The following UBE3C variants were observed in gnomAD, a reference collection of about 807,000 sequenced individuals.
UBE3C encodes the protein ubiquitin-protein ligase E3C.
Under a neutral mutation model 129.4 loss-of-function variants are expected in UBE3C, and 42 were observed. That is an observed-to-expected ratio of 0.32 (90% confidence interval 0.25 to 0.42). UBE3C has a LOEUF of 0.42. UBE3C is among the 10% of genes least tolerant of loss of function. UBE3C has a pLI of 1.00. For missense variants in UBE3C, 1,049 were observed against 1,319.1 expected (o/e 0.80, Z 3.17); for synonymous variants, 510 against 492.4 (o/e 1.04, Z -0.47).
chr7:157,155,462 C>G (rs375797018), intron 1 of UBE3C, among the ~76,000 whole-genome samples: 1 of 152,072 alleles, frequency 6.6e-6, no homozygotes, highest in African/African-American at 2.4e-5. Flanking sequence ...TACAAACATG[C>G]TAACAATCGT....
intron 4 of UBE3C, among the ~76,000 whole-genome samples, chr7:157,174,474 G>GTC (rs540373125): frequency 2.7e-4 from 41 of 151,522 alleles, no homozygotes; most frequent in South Asian, 1.9e-3. Context: ...TGGAGACAGG[G>GTC]TCTCTCTCTC....
chr7:157,164,356 T>C, intron 2 of UBE3C: 2 of 456,618 alleles, frequency 4.4e-6, no homozygotes, highest in Admixed American at 4.7e-5. Context: ...AGGGTCTTGC[T>C]TTGCTGCCGA....
At chr7:157,237,427 C>T (rs560948100) in intron 18 of UBE3C, among the ~76,000 whole-genome samples, 47 of 152,116 alleles carry the variant, frequency 3.1e-4, no homozygotes, top group African/African-American at 9.6e-4. Context: ...GGCGACAGAG[C>T]GAGACTCCGT....
intron 1 of UBE3C, among the ~76,000 whole-genome samples, chr7:157,151,975 T>A (rs1049182677): frequency 3.3e-5 from 5 of 152,178 alleles, no homozygotes; most frequent in African/African-American, 1.2e-4. Context: ...CATGTGTGTA[T>A]CCTATTTCCA....
At chr7:157,236,682 A>T (rs78947531) in intron 18 of UBE3C, among the ~76,000 whole-genome samples, 3,228 of 152,224 alleles carry the variant, frequency 0.021, 104 homozygotes, top group African/African-American at 0.074. Flanking sequence ...TAGTCCTTAA[A>T]GGGGCAGAGC....
At chr7:157,249,458 A>G (rs900086326) in intron 19 of UBE3C, among the ~76,000 whole-genome samples, 4 of 152,006 alleles carry the variant, frequency 2.6e-5, no homozygotes, top group Admixed American at 6.6e-5. Flanking sequence ...TGGGATTACA[A>G]TGCGCCACCA....
rs200137968 is a variant in UBE3C, at chr7:157,248,559, C to T, written c.2673C>T (p.Asn891=). The change falls in exon 19 of 23, where the codon AAC becomes AAT. Residue 891 remains asparagine (N), a synonymous_variant. Transcript: ENST00000348165. ...TTGGGCTGAACTTCACTGTGGTGAA[C>T]AATGACCTGGGAGAGGCGCAGGTGA... is the stretch of plus-strand genomic sequence containing the variant. ...EELGLNFTVV[N]NDLGEAQVVE... 6.2e-5 allele frequency: 100 copies of T among 1,612,356 alleles called. 1 individual carries two copies. Among genetic ancestry groups the T allele is most frequent in the Non-Finnish European group, 8.5e-6 (10 of 1,180,010 alleles).
intron 17 of UBE3C, among the ~76,000 whole-genome samples, chr7:157,230,852 G>A (rs10264206): frequency 0.099 from 15,012 of 152,118 alleles, 830 homozygotes; most frequent in African/African-American, 0.13. Flanking sequence ...AGAGTTTGTG[G>A]GGGCGGAGGT....
At chr7:157,233,582 C>T (rs913797143) in intron 18 of UBE3C, among the ~76,000 whole-genome samples, 1 of 151,884 alleles carries the variant, frequency 6.6e-6, no homozygotes, top group African/African-American at 2.4e-5. Context: ...ACCCAGTCAC[C>T]GCATTTTGTT....
rs936347984 is a variant in UBE3C at position 157,269,343 on chromosome 7, C to T, written c.*1588C>T. 6 of 152,234 alleles carry T rather than the reference C, an allele frequency of 3.9e-5. No individual in the cohort carries two copies. The highest frequency in any genetic ancestry group is 8.8e-5 in the Non-Finnish European group (6 of 68,040). 9.4% of individuals were successfully genotyped at this position (152,234 alleles called of 1,614,324 possible). A position where few individuals can be genotyped will look rare whatever the true frequency, so the allele number is the denominator to read the frequency against. On this transcript the variant is annotated 3_prime_UTR_variant, in exon 23 of 23. Coordinates refer to ENST00000348165, the MANE Select transcript of UBE3C (RefSeq NM_014671.3). ...TTATTTGTATGTTCTAATGGCTAAACATTTACATTAAATGTTTTTTTTCCC... is the reference window on the plus strand; with the variant it reads ...TTATTTGTATGTTCTAATGGCTAAATATTTACATTAAATGTTTTTTTTCCC...
At chr7:157,143,983 A>T (rs1431813421) in intron 1 of UBE3C, among the ~76,000 whole-genome samples, 1 of 152,010 alleles carries the variant, frequency 6.6e-6, no homozygotes. Context: ...TCAGGGAGGG[A>T]GGAGTGACAG....
At chr7:157,224,828 A>G (rs1050190086) in intron 16 of UBE3C, among the ~76,000 whole-genome samples, 18 of 151,240 alleles carry the variant, frequency 1.2e-4, no homozygotes, top group Admixed American at 2.0e-4. Flanking sequence ...TCACTCACTC[A>G]CTCACTCACA....
chr7:157,221,933 A>T (rs918058020), intron 15 of UBE3C: 6 of 152,178 alleles, frequency 3.9e-5, no homozygotes, highest in Admixed American at 2.0e-4. Flanking sequence ...GCAGAGGCGC[A>T]ATCACGGCTC....
chr7:157,172,958 C>G (rs1034044854), intron 4 of UBE3C, among the ~76,000 whole-genome samples: 1 of 152,176 alleles, frequency 6.6e-6, no homozygotes, highest in Non-Finnish European at 1.5e-5. Flanking sequence ...CTGTGAAAAG[C>G]TTGGAGGTAA....
rs77754019 is a variant in UBE3C, at chr7:157,259,655, C to T, written c.3081+2611C>T. Among the ~76,000 whole-genome samples the T allele has an allele frequency of 3.8e-3, 586 of 152,292 alleles. 4 individuals are homozygous for T. The highest frequency in any genetic ancestry group is 0.013 in the African/African-American group (557 of 41,564). On this transcript the variant is annotated intron_variant, in intron 22 of 22. Transcript: ENST00000348165. ...ACGTATTATTATATGTAATTCCACT[C>T]GGATAAACTGTCCTTTGAAAGGCAC... is the stretch of plus-strand genomic sequence containing the variant.
chr7:157,210,285 C>CT (rs35887132), intron 13 of UBE3C, among the ~76,000 whole-genome samples: 9,075 of 147,070 alleles, frequency 0.062, 287 homozygotes, highest in South Asian at 0.082. Context: ...GTTTAAAGAC[C>CT]TTTTTTTTTT....
chr7:157,169,022 C>A (rs35192251), intron 2 of UBE3C, 26 bp from the exon 3 acceptor site: 101,187 of 1,594,478 alleles, frequency 0.063, 3,576 homozygotes, highest in Non-Finnish European at 0.074. Context: ...ACCAATTGCT[C>A]CCTCACTCCT....
At chr7:157,222,974 G>T (rs1191862813) in intron 15 of UBE3C, 5 of 316,864 alleles carry the variant, frequency 1.6e-5, no homozygotes, top group Non-Finnish European at 3.0e-5. Context: ...GCTAGGGCTA[G>T]CTGTGCACTT....
At chr7:157,181,360 G>A (rs1435664906) in intron 6 of UBE3C, among the ~76,000 whole-genome samples, 158 bp from the exon 7 acceptor site, 3 of 152,168 alleles carry the variant, frequency 2.0e-5, no homozygotes, top group Non-Finnish European at 4.4e-5. Context: ...ATACCGTTCG[G>A]CTGCCTATAT....
Sources: allele counts gnomAD v4.1 joint callset (sites outside exome capture counted in the v4.1 genomes callset), GRCh38; gene constraint gnomAD v4.1.1; transcripts MANE v1.5; gene names NCBI Gene and HGNC (gene_info 2026-07-23, HGNC 2026-07-21).